MACROD2: variants seen among roughly 807,000 people sequenced by gnomAD.
MACROD2 encodes the protein ADP-ribose glycohydrolase MACROD2.
In MACROD2, 36 loss-of-function variants were observed where a neutral mutation model predicts 70.4. That is an observed-to-expected ratio of 0.51 (90% CI 0.39 to 0.68). The LOEUF (loss-of-function observed/expected upper bound fraction) is 0.68. Among genes scored for constraint, MACROD2 ranks in the 30% least tolerant of loss-of-function variants. The pLI is 0.00. For synonymous variants in MACROD2, 172 were observed against 178.8 expected (o/e 0.96, Z 0.30); for missense variants, 496 against 538.4 (o/e 0.92, Z 0.78).
At chr20:14,968,195 C>G (rs911120517) in intron 5 of MACROD2, among the ~76,000 whole-genome samples, 1 of 152,114 alleles carries the variant, frequency 6.6e-6, no homozygotes, top group Non-Finnish European at 1.5e-5. Context: ...CTTAAAATTT[C>G]TCTTCAAAAG....
chr20:15,989,985 G>GT (rs1258438023), intron 15 of MACROD2, among the ~76,000 whole-genome samples: 2 of 152,114 alleles, frequency 1.3e-5, no homozygotes, highest in East Asian at 3.9e-4. Flanking sequence ...AAGTTTTGAA[G>GT]TTAGTTCTAT....
intron 5 of MACROD2, among the ~76,000 whole-genome samples, chr20:14,938,317 A>G (rs959985846): frequency 6.6e-5 from 10 of 152,172 alleles, no homozygotes; most frequent in African/African-American, 1.4e-4. Flanking sequence ...CCAACAATGT[A>G]TAAGGGTTTC....
At chr20:15,631,611 T>G (rs1198441298) in intron 8 of MACROD2, among the ~76,000 whole-genome samples, 1 of 152,190 alleles carries the variant, frequency 6.6e-6, no homozygotes, top group East Asian at 1.9e-4. Flanking sequence ...ATTACAGTAC[T>G]TTTTCCTTAT....
In MACROD2 at chr20:15,129,741, A is replaced by C. The variant is rs572554217; in HGVS notation, c.419-100199A>C. On this transcript the variant is annotated intron_variant, in intron 5 of 17. Transcript: ENST00000684519. ...CTTTGCTTGTAACTTTAATTTACGG[A>C]AAACAGGCTCTTGGTGTCCAGAAGG... is the stretch of plus-strand genomic sequence containing the variant. 2.2e-3 allele frequency among the ~76,000 whole-genome samples: 340 copies of C among 152,172 alleles called. 1 individual carries two copies. The highest frequency in any genetic ancestry group is 3.5e-3 in the Non-Finnish European group (241 of 67,990).
intron 15 of MACROD2, among the ~76,000 whole-genome samples, chr20:16,025,067 A>G (rs2067058456): frequency 6.6e-6 from 1 of 152,236 alleles, no homozygotes. Context: ...CAGACTCTCT[A>G]GTTTGGTAAA....
chr20:15,336,390 A>G (rs1380648422), intron 6 of MACROD2, among the ~76,000 whole-genome samples: 2 of 151,012 alleles, frequency 1.3e-5, no homozygotes, highest in Non-Finnish European at 2.9e-5. Flanking sequence ...AAAAAAAGAA[A>G]AAAAAAGGTG....
chr20:15,603,119 T>C (rs527984791), intron 8 of MACROD2, among the ~76,000 whole-genome samples: 1 of 152,130 alleles, frequency 6.6e-6, no homozygotes, highest in East Asian at 1.9e-4. Flanking sequence ...CAAAGAAATG[T>C]TAATATTATC....
chr20:14,468,566 G>T (rs1225677620), intron 3 of MACROD2, among the ~76,000 whole-genome samples: 1 of 151,526 alleles, frequency 6.6e-6, no homozygotes, highest in East Asian at 1.9e-4. Context: ...AGGCTGGAGT[G>T]CAGTGGCTCG....
chr20:15,051,098 G>C (rs1052546297), intron 5 of MACROD2, among the ~76,000 whole-genome samples: 3 of 150,442 alleles, frequency 2.0e-5, no homozygotes, highest in African/African-American at 7.3e-5. Context: ...TTAAAAACCT[G>C]CCAAGAGAAC....
At chr20:15,423,975 C>T (rs1390596139) in intron 6 of MACROD2, among the ~76,000 whole-genome samples, 1 of 152,182 alleles carries the variant, frequency 6.6e-6, no homozygotes, top group Non-Finnish European at 1.5e-5. Context: ...GCTCAAGTTG[C>T]AGACAGCCAA....
At chr20:15,243,154 G>A (rs1288269164) in intron 6 of MACROD2, among the ~76,000 whole-genome samples, 1 of 152,074 alleles carries the variant, frequency 6.6e-6, no homozygotes, top group Admixed American at 6.5e-5. Flanking sequence ...TTCTGGAGAG[G>A]GCTGACAGCT....
chr20:15,812,722 A>G (rs545221309), intron 8 of MACROD2, among the ~76,000 whole-genome samples: 1 of 152,334 alleles, frequency 6.6e-6, no homozygotes, highest in South Asian at 2.1e-4. Flanking sequence ...GTAGAAACCA[A>G]GTCTCAGTGA....
chr20:15,436,940 T>A (rs1336780761), intron 7 of MACROD2, among the ~76,000 whole-genome samples: 1 of 152,162 alleles, frequency 6.6e-6, no homozygotes, highest in African/African-American at 2.4e-5. Context: ...AAATACCACT[T>A]GGTGCGTGCT....
intron 6 of MACROD2, among the ~76,000 whole-genome samples, chr20:15,421,888 T>C (rs2046233267): frequency 6.6e-6 from 1 of 152,056 alleles, no homozygotes; most frequent in Non-Finnish European, 1.5e-5. Context: ...GGCTAAGCAA[T>C]AGAGAGTAAT....
At position 15,362,337 on chromosome 20, in the gene MACROD2, A is replaced by G. The variant is rs541573200; in HGVS notation, c.541-69068A>G. Among the ~76,000 whole-genome samples the G allele has an allele frequency of 2.6e-5, 4 of 152,004 alleles. No homozygotes were observed. In the South Asian group the frequency reaches 8.3e-4, roughly 32 times the overall value. Reference sequence around the variant, plus strand: ...CTGTATGCTTTTTATTGCACATGCCATGAGTGGTGAGAGCGGACATCCTTA... The same window carrying G: ...CTGTATGCTTTTTATTGCACATGCCGTGAGTGGTGAGAGCGGACATCCTTA... On this transcript the variant is annotated intron_variant, in intron 6 of 17. Coordinates refer to ENST00000684519, the MANE Select transcript of MACROD2 (RefSeq NM_001351661.2).
At chr20:14,701,870 A>G (rs1396921717) in intron 5 of MACROD2, among the ~76,000 whole-genome samples, 1 of 152,152 alleles carries the variant, frequency 6.6e-6, no homozygotes, top group Non-Finnish European at 1.5e-5. Flanking sequence ...TCCTCAAAAC[A>G]ACCCTCTGTG....
At chr20:14,116,540 A>C (rs561120826) in intron 3 of MACROD2, among the ~76,000 whole-genome samples, 1 of 152,144 alleles carries the variant, frequency 6.6e-6, no homozygotes, top group Admixed American at 6.6e-5. Context: ...TTTTTAATGC[A>C]ATTTTTTTCT....
At chr20:14,910,716 A>C (rs982211505) in intron 5 of MACROD2, among the ~76,000 whole-genome samples, 3 of 151,938 alleles carry the variant, frequency 2.0e-5, no homozygotes, top group Non-Finnish European at 2.9e-5. Flanking sequence ...CATCTTGGAG[A>C]CTCAGTTCTT....
At chr20:14,235,341 A>T (rs2081859081) in intron 3 of MACROD2, among the ~76,000 whole-genome samples, 1 of 152,202 alleles carries the variant, frequency 6.6e-6, no homozygotes, top group Non-Finnish European at 1.5e-5. Context: ...TTTCACACAC[A>T]TGCATACATA....
Sources: allele counts gnomAD v4.1 joint callset (sites outside exome capture counted in the v4.1 genomes callset), GRCh38; gene constraint gnomAD v4.1.1; transcripts MANE v1.5; gene names NCBI Gene and HGNC (gene_info 2026-07-23, HGNC 2026-07-21).